Variants in GRIN2B observed in about 807,000 individuals in gnomAD.
GRIN2B encodes glutamate receptor ionotropic, NMDA 2B.
A neutral mutation model predicts 114.5 loss-of-function variants in GRIN2B; 5 were observed. The ratio of observed to expected loss-of-function variants is 0.04; its 90% CI spans 0.02 to 0.09. The LOEUF (loss-of-function observed/expected upper bound fraction) is 0.09. GRIN2B is among the 10% of genes least tolerant of loss of function. The pLI is 1.00. For missense variants in GRIN2B, 1,108 were observed against 1,943.5 expected (o/e 0.57, Z 8.08); for synonymous variants, 787 against 745.1 (o/e 1.06, Z -0.92).
intron 2 of GRIN2B, among the ~76,000 whole-genome samples, chr12:13,949,798 A>G (rs544931668): frequency 2.0e-5 from 3 of 152,258 alleles, no homozygotes. Flanking sequence ...TCAGCAAAAT[A>G]CTCACTTTTA....
chr12:13,863,891 G>A (rs1236501872), intron 3 of GRIN2B, among the ~76,000 whole-genome samples: 2 of 152,120 alleles, frequency 1.3e-5, no homozygotes, highest in African/African-American at 2.4e-5. Context: ...CTTATTCATG[G>A]TAATTTTAAA....
chr12:13,710,249 A>G (rs914065280), intron 4 of GRIN2B, among the ~76,000 whole-genome samples: 1 of 152,112 alleles, frequency 6.6e-6, no homozygotes, highest in Non-Finnish European at 1.5e-5. Flanking sequence ...AGAGCTATCT[A>G]TGACAAACCC....
intron 2 of GRIN2B, among the ~76,000 whole-genome samples, chr12:13,979,181 CA>C (rs1196571446): frequency 6.6e-6 from 1 of 152,076 alleles, no homozygotes; most frequent in Non-Finnish European, 1.5e-5. Flanking sequence ...ATTTACAGCT[CA>C]AAAATAATAG....
At chr12:13,604,046 T>C (rs945597699) in intron 10 of GRIN2B, among the ~76,000 whole-genome samples, 2 of 152,144 alleles carry the variant, frequency 1.3e-5, no homozygotes, top group Non-Finnish European at 2.9e-5. Flanking sequence ...TTTTCCTTCA[T>C]ACTATGGTTG....
intron 3 of GRIN2B, among the ~76,000 whole-genome samples, chr12:13,860,198 G>C (rs1027791664): frequency 6.6e-6 from 1 of 152,134 alleles, no homozygotes; most frequent in Non-Finnish European, 1.5e-5. Flanking sequence ...AGGGGAAGAG[G>C]GCCAGAGGAT....
chr12:13,849,910 C>T (rs192978933), intron 3 of GRIN2B, among the ~76,000 whole-genome samples: 11 of 152,254 alleles, frequency 7.2e-5, no homozygotes, highest in African/African-American at 2.4e-4. Context: ...CCTGAGCCCG[C>T]CTAGATATCT....
intron 3 of GRIN2B, among the ~76,000 whole-genome samples, chr12:13,812,484 C>G (rs1443294519): frequency 6.6e-6 from 1 of 151,688 alleles, no homozygotes; most frequent in Admixed American, 6.6e-5. Context: ...CATTGTTCCT[C>G]TTCTCATGTT....
In GRIN2B at chr12:13,538,695, T is replaced by C. The variant is rs1454743023; in HGVS notation, c.*24088A>G. ...CCAGTGTGGTGGTATGCACCAGTAG[T>C]ACCCAGCTACACAGGAGGCGGAGGT... is the stretch of plus-strand genomic sequence containing the variant. On this transcript the variant is annotated 3_prime_UTR_variant, in exon 14 of 14. Transcript: ENST00000609686. The C allele has an allele frequency of 1.3e-5, 2 of 151,866 alleles. No homozygotes were observed. The highest frequency in any genetic ancestry group is 4.8e-5 in the African/African-American group (2 of 41,316). 9.4% of individuals were successfully genotyped at this position (151,866 alleles called of 1,614,324 possible).
At chr12:13,829,930 A>T (rs1486492650) in intron 3 of GRIN2B, among the ~76,000 whole-genome samples, 1 of 152,116 alleles carries the variant, frequency 6.6e-6, no homozygotes, top group Non-Finnish European at 1.5e-5. Flanking sequence ...AAAGGAGTGA[A>T]GTGGTAAAGT....
At position 13,976,132 on chromosome 12, in the gene GRIN2B, C is replaced by T. The variant is rs368568051; in HGVS notation, c.-19+3796G>A. ...ACCCACCTTCTCTGAGCTATGCCTG[C>T]TCTTTCATCCCGACTACATTCTGTT... On this transcript the variant is annotated intron_variant, in intron 2 of 13. Transcript: ENST00000609686. Among the ~76,000 whole-genome samples, 6 of 152,376 alleles carry T rather than the reference C, an allele frequency of 3.9e-5. No individual in the cohort carries two copies. In the East Asian group the frequency reaches 9.6e-4, roughly 24 times the overall value.
chr12:13,565,408 T>C (rs1015992495), intron 13 of GRIN2B, among the ~76,000 whole-genome samples: 1 of 152,206 alleles, frequency 6.6e-6, no homozygotes, highest in Admixed American at 6.5e-5. Context: ...CTGTTTTCCT[T>C]CTTATACTTT....
intron 11 of GRIN2B, 80 bp downstream of exon 11, chr12:13,571,724 C>G: frequency 7.4e-7 from 1 of 1,351,258 alleles, no homozygotes; most frequent in Non-Finnish European, 1.1e-6. Flanking sequence ...GCATGGTATA[C>G]CTAGTGCATG....
chr12:13,967,440 G>A (rs1867807172), intron 2 of GRIN2B, among the ~76,000 whole-genome samples: 1 of 152,214 alleles, frequency 6.6e-6, no homozygotes, highest in Non-Finnish European at 1.5e-5. Flanking sequence ...AGCAAAGCAA[G>A]CTTTTAATGT....
At chr12:13,610,843 G>C (rs1303812619) in intron 9 of GRIN2B, among the ~76,000 whole-genome samples, 1 of 152,130 alleles carries the variant, frequency 6.6e-6, no homozygotes, top group Non-Finnish European at 1.5e-5. Flanking sequence ...CAGAAAATGA[G>C]GTCCAAGCAC....
intron 4 of GRIN2B, among the ~76,000 whole-genome samples, chr12:13,696,420 A>T (rs565953480): frequency 2.0e-5 from 3 of 152,220 alleles, no homozygotes; most frequent in African/African-American, 7.2e-5. Context: ...ATGGTGGGAT[A>T]TAAGATGATT....
chr12:13,570,884 G>A (rs57232076), intron 11 of GRIN2B, among the ~76,000 whole-genome samples: 4 of 152,198 alleles, frequency 2.6e-5, no homozygotes, highest in African/African-American at 9.6e-5. Context: ...ACCTTGTTAG[G>A]TACCCGATAG....
At chr12:13,595,681 G>A (rs970786732) in intron 10 of GRIN2B, among the ~76,000 whole-genome samples, 1 of 152,124 alleles carries the variant, frequency 6.6e-6, no homozygotes, top group Non-Finnish European at 1.5e-5. Context: ...TCTAGCAGCA[G>A]CCTCTCCTCA....
chr12:13,967,568 G>A (rs1867809523), intron 2 of GRIN2B, among the ~76,000 whole-genome samples: 1 of 152,240 alleles, frequency 6.6e-6, no homozygotes, highest in South Asian at 2.1e-4. Flanking sequence ...ACCTGTAGGT[G>A]CTCACAACAA....
chr12:13,796,715 C>A (rs1864424085), intron 3 of GRIN2B, among the ~76,000 whole-genome samples: 1 of 152,190 alleles, frequency 6.6e-6, no homozygotes. Flanking sequence ...AACACTTGAT[C>A]TGCCATTCCC....
Sources: gnomAD v4.1 joint callset for allele counts (sites outside exome capture counted in the v4.1 genomes callset) on GRCh38, gnomAD v4.1.1 for gene constraint, MANE v1.5 for transcripts, NCBI Gene and HGNC (gene_info 2026-07-23, HGNC 2026-07-21) for gene names.